The following CAMKK2 variants were observed in gnomAD, a reference collection of about 807,000 sequenced individuals.
CAMKK2 encodes the protein calcium/calmodulin dependent protein kinase kinase 2.
In CAMKK2, 30 loss-of-function variants were observed where a neutral mutation model predicts 67.2. The observed-to-expected ratio is 0.45, with a 90% CI of 0.33 to 0.61. CAMKK2 has a LOEUF of 0.61. CAMKK2 is among the 20% of genes least tolerant of loss of function. The pLI is 0.02. For synonymous variants in CAMKK2, 322 were observed against 326.2 expected (o/e 0.99, Z 0.14); for missense variants, 643 against 802.0 (o/e 0.80, Z 2.39).
At chr12:121,254,245 G>A (rs1891390323) in intron 9 of CAMKK2, among the ~76,000 whole-genome samples, 1 of 152,054 alleles carries the variant, frequency 6.6e-6, no homozygotes, top group South Asian at 2.1e-4. Context: ...ATCACCTGAG[G>A]TCAGGAGTTC....
intron 1 of CAMKK2, among the ~76,000 whole-genome samples, chr12:121,294,134 T>G (rs939775343): frequency 6.6e-6 from 1 of 152,042 alleles, no homozygotes; most frequent in Admixed American, 6.6e-5. Context: ...GGTTTCACCA[T>G]GTTGGCCAGG....
intron 1 of CAMKK2, among the ~76,000 whole-genome samples, chr12:121,288,428 G>A (rs752349813): frequency 2.6e-5 from 4 of 152,282 alleles, no homozygotes; most frequent in South Asian, 2.1e-4. Context: ...GCAGCTCTGC[G>A]GGGCCCAACG....
chr12:121,290,976 C>T (rs1293484161), intron 1 of CAMKK2, among the ~76,000 whole-genome samples: 1 of 152,168 alleles, frequency 6.6e-6, no homozygotes, highest in Non-Finnish European at 1.5e-5. Context: ...CGTGTCAACA[C>T]ACCCGGCTAA....
chr12:121,244,082 C>T lies in CAMKK2; in HGVS notation c.1596+491G>A, dbSNP rs761913966. On this transcript the variant is annotated intron_variant, in intron 16 of 16. Coordinates refer to ENST00000404169, the MANE Select transcript of CAMKK2 (RefSeq NM_001270485.2). ...GTCTGCATCCACTCGGGTGAGGGAA[C>T]TCTTACGTTACTTTGCAACAGGCAG... The T allele has an allele frequency of 9.9e-6, 16 of 1,610,028 alleles. 2 individuals are homozygous for T. The South Asian group carries it at 1.4e-4, about 15-fold the overall frequency.
intron 1 of CAMKK2, among the ~76,000 whole-genome samples, chr12:121,280,850 T>C (rs1004401387): frequency 6.6e-6 from 1 of 152,236 alleles, no homozygotes; most frequent in Non-Finnish European, 1.5e-5. Flanking sequence ...ATGTTATCAA[T>C]GACAATGTTG....
At chr12:121,275,977 T>C (rs1184207309) in intron 1 of CAMKK2, among the ~76,000 whole-genome samples, 1 of 151,942 alleles carries the variant, frequency 6.6e-6, no homozygotes, top group African/African-American at 2.4e-5. Flanking sequence ...CTGACCAACA[T>C]GGTGAAACCC....
chr12:121,263,930 G>A lies in CAMKK2; in HGVS notation c.635C>T (p.Pro212Leu), dbSNP rs1490451948. The change falls in exon 6 of 17, where the codon CCA (proline) becomes CTA (leucine). Residue 212 changes from proline to leucine, a missense_variant. Physicochemically the swap from Pro to Leu is moderately conservative, Grantham distance 98. Coordinates refer to ENST00000404169, the MANE Select transcript of CAMKK2 (RefSeq NM_001270485.2). ...AGGAGCTGGCCGGGTGCCTCGGGGT[G>A]GAGGGCGACCTGAAGGAAACAAAAA... ...IRQAGFPRRPPPRGTRPAPGG... is the reference protein window; with the variant it reads ...IRQAGFPRRPLPRGTRPAPGG... 4 of 1,602,258 alleles carry A rather than the reference G, an allele frequency of 2.5e-6. No individual in the cohort carries two copies. Among genetic ancestry groups the A allele is most frequent in the Non-Finnish European group, 3.4e-6 (4 of 1,171,930 alleles).
intron 6 of CAMKK2, among the ~76,000 whole-genome samples, chr12:121,261,284 C>G (rs887358205): frequency 6.6e-6 from 1 of 152,122 alleles, no homozygotes; most frequent in South Asian, 2.1e-4. Flanking sequence ...CATAGGGCAG[C>G]GGAGAGAAAA....
At chr12:121,278,231 G>C (rs1897148999) in intron 1 of CAMKK2, among the ~76,000 whole-genome samples, 1 of 152,130 alleles carries the variant, frequency 6.6e-6, no homozygotes, top group Admixed American at 6.5e-5. Flanking sequence ...TATGGCCCTA[G>C]CTGCTGCTAC....
At chr12:121,293,509 T>C (rs1900520700) in intron 1 of CAMKK2, among the ~76,000 whole-genome samples, 2 of 151,968 alleles carry the variant, frequency 1.3e-5, no homozygotes, top group South Asian at 4.1e-4. Flanking sequence ...AATGAGTTGA[T>C]AGAATAATGG....
intron 1 of CAMKK2, among the ~76,000 whole-genome samples, chr12:121,282,237 G>A (rs77763163): frequency 0.063 from 9,510 of 152,074 alleles, 383 homozygotes; most frequent in Middle Eastern, 0.16. Flanking sequence ...TCTGGAGCCC[G>A]GGAGCAGGAA....
chr12:121,243,604 T>G, intron 16 of CAMKK2: 1 of 156,568 alleles, frequency 6.4e-6, no homozygotes, highest in Non-Finnish European at 1.4e-5. Context: ...ATGACGCCAT[T>G]TATACGAAAC....
intron 9 of CAMKK2, among the ~76,000 whole-genome samples, chr12:121,254,815 A>G (rs1891525084): frequency 1.3e-5 from 2 of 152,144 alleles, no homozygotes; most frequent in Admixed American, 1.3e-4. Flanking sequence ...ATTTCACACA[A>G]TTCTGTTTCC....
At chr12:121,280,709 G>A (rs564942567) in intron 1 of CAMKK2, among the ~76,000 whole-genome samples, 3 of 152,256 alleles carry the variant, frequency 2.0e-5, no homozygotes, top group South Asian at 2.1e-4. Flanking sequence ...GATTGCAGAG[G>A]TGAGATAGAC....
At chr12:121,268,568 C>T (rs1436442855) in intron 5 of CAMKK2, 70 bp downstream of exon 5, 2 of 1,397,352 alleles carry the variant, frequency 1.4e-6, no homozygotes, top group South Asian at 2.3e-5. Flanking sequence ...TGCAATGGTT[C>T]CCATTCAGGG....
Position 121,271,017 on chromosome 12 carries a change from C to A in CAMKK2, c.472-72G>T. 4.9e-6 allele frequency: 6 copies of A among 1,231,566 alleles called. No homozygotes were observed. The South Asian group carries it at 7.3e-5, about 15-fold the overall frequency. 76.3% of individuals were successfully genotyped at this position (1,231,566 alleles called of 1,614,324 possible). Reference sequence around the variant, plus strand: ...ACTAGAGGCCAGGCACGGTGGCTCACACCTACAAGCCCTTCAGGAGACCAA... The same window carrying A: ...ACTAGAGGCCAGGCACGGTGGCTCAAACCTACAAGCCCTTCAGGAGACCAA... On this transcript the variant is annotated intron_variant, in intron 2 of 16. Transcript: ENST00000404169.
At chr12:121,292,468 A>G (rs957924433) in intron 1 of CAMKK2, among the ~76,000 whole-genome samples, 4 of 152,096 alleles carry the variant, frequency 2.6e-5, no homozygotes, top group African/African-American at 9.7e-5. Context: ...ACGAATCTCT[A>G]CTAACAGGTC....
At chr12:121,250,287 C>T (rs973423080) in intron 11 of CAMKK2, among the ~76,000 whole-genome samples, 3 of 152,154 alleles carry the variant, frequency 2.0e-5, no homozygotes, top group Admixed American at 1.3e-4. Flanking sequence ...ACTGCAGGCT[C>T]CCTCTGTAGC....
chr12:121,257,249 C>T (rs1287402966), intron 7 of CAMKK2, among the ~76,000 whole-genome samples: 1 of 143,966 alleles, frequency 6.9e-6, no homozygotes, highest in Admixed American at 7.0e-5. Flanking sequence ...ATTAAAAAAA[C>T]TTTTTTTTTT....
Sources: allele counts gnomAD v4.1 joint callset (sites outside exome capture counted in the v4.1 genomes callset), GRCh38; gene constraint gnomAD v4.1.1; transcripts MANE v1.5; gene names NCBI Gene and HGNC (gene_info 2026-07-23, HGNC 2026-07-21).